Variants in PER2 observed in about 807,000 individuals in gnomAD.
The protein encoded by PER2 is period circadian regulator 2.
Under a neutral mutation model 121.0 loss-of-function variants are expected in PER2, and 66 were observed. That is an observed-to-expected ratio of 0.55 (90% confidence interval 0.45 to 0.67). PER2 has a LOEUF of 0.67. Among genes scored for constraint, PER2 ranks in the 30% least tolerant of loss-of-function variants. PER2 has a pLI of 0.00. For missense variants in PER2, 1,521 were observed against 1,635.0 expected, an observed-to-expected ratio of 0.93 and a Z score of 1.20; for synonymous variants, 684 against 659.9, an observed-to-expected ratio of 1.04 and a Z score of -0.56.
chr2:238,275,690 G>A (rs1298570785), intron 4 of PER2, 53 bp downstream of exon 4: 4 of 1,559,806 alleles, frequency 2.6e-6, no homozygotes, highest in African/African-American at 1.4e-5. Flanking sequence ...TAATTTGGGG[G>A]GATTTAAAAC....
rs190923629 is a variant in PER2, at chr2:238,258,273, T to C, written c.1900+3A>G. 6 of 1,614,164 alleles carry C rather than the reference T, an allele frequency of 3.7e-6. No individual in the cohort carries two copies. The highest frequency in any genetic ancestry group is 2.2e-5 in the East Asian group (1 of 44,888). On this transcript the variant is annotated splice_donor_region_variant and intron_variant, in intron 16 of 22. Transcript: ENST00000254657. ...TGTACATGGCTCTACACAGATTAGA[T>C]ACCTCCAGCGTGTGGCCCTGGGCTG...
At position 238,277,827 on chromosome 2, in the gene PER2, C is replaced by T. The variant is rs1235387146; in HGVS notation, c.110G>A (p.Gly37Asp). ...TTCGTTGGTCTCATGTCCACTGGAG[C>T]CACTGCTCATGTCCACATCTTCCTG... is the stretch of plus-strand genomic sequence containing the variant. Reference protein sequence around the residue: ...PLQEDVDMSSGSSGHETNENC... With the variant: ...PLQEDVDMSSDSSGHETNENC... Residue 37 changes from glycine (G) to aspartate (D), a missense_variant, in exon 2 of 23, where the codon GGC becomes GAC. Transcript: ENST00000254657. 1 of 1,614,208 alleles carries T rather than the reference C, an allele frequency of 6.2e-7. No individual in the cohort carries two copies. The highest frequency in any genetic ancestry group is 8.5e-7 in the Non-Finnish European group (1 of 1,180,050).
chr2:238,255,697 G>C lies in PER2; in HGVS notation c.2280C>G (p.Tyr760Ter), dbSNP rs374238996. 1 of 1,614,074 alleles carries C rather than the reference G, an allele frequency of 6.2e-7. No individual in the cohort carries two copies. Among genetic ancestry groups the C allele is most frequent in the African/African-American group, 1.3e-5 (1 of 74,956 alleles). ...KLSIFQSHCH[Y>*]YLQERSKGQP... Reference sequence around the variant, plus strand: ...GCCCCTTGGATCTTTCTTGCAAGTAGTAATGGCAGTGGGACTGGAAAATGC... The same window carrying C: ...GCCCCTTGGATCTTTCTTGCAAGTACTAATGGCAGTGGGACTGGAAAATGC... Residue 760 changes from tyrosine to a stop codon, truncating the protein, a stop_gained, in exon 18 of 23, where the codon TAC (tyrosine) becomes TAG (stop). Coordinates refer to ENST00000254657, the MANE Select transcript of PER2 (RefSeq NM_022817.3). LOFTEE classifies it high-confidence loss of function.
At chr2:238,261,103 A>G in intron 12 of PER2, 150 bp from the exon 13 acceptor site, 1 of 925,712 alleles carries the variant, frequency 1.1e-6, no homozygotes, top group Non-Finnish European at 1.6e-6. Flanking sequence ...TTTGAACCCC[A>G]GGGTCAGCTC....
At chr2:238,283,967 G>A (rs1696704911) in intron 1 of PER2, among the ~76,000 whole-genome samples, 1 of 152,130 alleles carries the variant, frequency 6.6e-6, no homozygotes, top group African/African-American at 2.4e-5. Flanking sequence ...TTTCAGCTGG[G>A]TTCCACCACC....
At chr2:238,274,513 G>C (rs1282727747) in intron 4 of PER2, among the ~76,000 whole-genome samples, 6 of 152,248 alleles carry the variant, frequency 3.9e-5, no homozygotes, top group African/African-American at 1.4e-4. Context: ...TAAACTGCTG[G>C]AAAGTGTGGA....
intron 9 of PER2, among the ~76,000 whole-genome samples, chr2:238,263,690 C>T (rs1171377957): frequency 1.3e-5 from 2 of 152,192 alleles, no homozygotes; most frequent in African/African-American, 2.4e-5. Context: ...TTTCTTCTCC[C>T]GATCTGCCTC....
At chr2:238,288,122 C>T (rs940370544) in intron 1 of PER2, among the ~76,000 whole-genome samples, 1 of 152,180 alleles carries the variant, frequency 6.6e-6, no homozygotes, top group African/African-American at 2.4e-5. Context: ...CCTAGATCAG[C>T]GCCCCTCCAT....
chr2:238,263,019 A>C lies in PER2; in HGVS notation c.1086T>G (p.Ile362Met). ...PLLGYLPQDL[I>M]ETPVLVQLHP... ...GGAGCTGCACGAGCACTGGGGTTTCAATCAGGTCCTGAGGTAGGTAGCCCA... is the reference window on the plus strand; with the variant it reads ...GGAGCTGCACGAGCACTGGGGTTTCCATCAGGTCCTGAGGTAGGTAGCCCA... The change falls in exon 10 of 23, where the codon ATT (isoleucine) becomes ATG (methionine). Residue 362 changes from isoleucine (I) to methionine (M), a missense_variant. Ile to Met is a conservative substitution (Grantham distance 10, BLOSUM62 1). Coordinates refer to ENST00000254657, the MANE Select transcript of PER2 (RefSeq NM_022817.3). 1 of 1,614,002 alleles carries C rather than the reference A, an allele frequency of 6.2e-7. No homozygotes were observed. The highest frequency in any genetic ancestry group is 8.5e-7 in the Non-Finnish European group (1 of 1,179,896).
the PER2 span, among the ~76,000 whole-genome samples, chr2:238,298,016 A>C: frequency 1.3e-5 from 2 of 148,304 alleles, no homozygotes; most frequent in East Asian, 2.0e-4. Flanking sequence ...TGTGCCTCCC[A>C]ATAAAGCTTT....
the PER2 span, chr2:238,299,462 A>G: frequency 6.6e-6 from 1 of 152,230 alleles, no homozygotes; most frequent in Admixed American, 6.5e-5. Context: ...GAATCGCTTG[A>G]ACCCAGGGGG....
chr2:238,258,153 T>G, intron 16 of PER2, 123 bp downstream of exon 16: 4 of 1,104,002 alleles, frequency 3.6e-6, no homozygotes, highest in Non-Finnish European at 5.5e-6. Flanking sequence ...TTGAACTACT[T>G]TCATCATTTG....
rs764876527 is a variant in PER2 at position 238,252,870 on chromosome 2, T to C, written c.3111+42A>G. 6 of 1,577,290 alleles carry C rather than the reference T, an allele frequency of 3.8e-6. No individual in the cohort carries two copies. Among genetic ancestry groups the C allele is most frequent in the Middle Eastern group, 2.2e-4 (1 of 4,630 alleles). On this transcript the variant is annotated intron_variant, in intron 19 of 22. Transcript: ENST00000254657. This position sits in a 1 kb window ranked among gnomAD's most constrained non-coding sequence, Gnocchi z 4.2. ...TGCGGCCGGCCTGCCAGGTGTGCTG[T>C]TTGCTGCCTGCTTTGGGGAAAGAGC...
chr2:238,282,862 G>A (rs57477948), intron 1 of PER2, among the ~76,000 whole-genome samples: 2,731 of 152,380 alleles, frequency 0.018, 99 homozygotes, highest in African/African-American at 0.063. Context: ...CCAGGTGTAG[G>A]TGGCATTTGA....
upstream of PER2, among the ~76,000 whole-genome samples, chr2:238,292,563 G>A (rs1272922941): frequency 6.6e-6 from 1 of 152,216 alleles, no homozygotes. Flanking sequence ...CACCCTGGGG[G>A]AGGAAGTGTT....
intron 1 of PER2, among the ~76,000 whole-genome samples, chr2:238,286,081 G>T (rs1696774203): frequency 6.6e-6 from 1 of 152,102 alleles, no homozygotes; most frequent in African/African-American, 2.4e-5. Flanking sequence ...CACCTTCAAT[G>T]ATCTCAATTC....
rs1274936580 is a variant in PER2 at position 238,252,791 on chromosome 2, A to AG, written c.3111+120_3111+121insC. 1.1e-6 allele frequency: 1 copy of AG among 880,756 alleles called. No individual in the cohort carries two copies. Among genetic ancestry groups the AG allele is most frequent in the African/African-American group, 1.6e-5 (1 of 61,248 alleles). 54.6% of individuals were successfully genotyped at this position (880,756 alleles called of 1,614,324 possible). A position where few individuals can be genotyped will look rare whatever the true frequency, so the allele number is the denominator to read the frequency against. On this transcript the variant is annotated intron_variant, in intron 19 of 22. Transcript: ENST00000254657. This position sits in a 1 kb window ranked among gnomAD's most constrained non-coding sequence, Gnocchi z 4.2. The stretch of plus-strand genomic sequence containing the variant: ...GGCACACACATTCATGGCAAAACCT[A>AG]CAGGGTTTGGTGGAAACCTCAATCG...
At chr2:238,284,226 C>G (rs1021679297) in intron 1 of PER2, among the ~76,000 whole-genome samples, 2 of 152,000 alleles carry the variant, frequency 1.3e-5, no homozygotes, top group South Asian at 2.1e-4. Flanking sequence ...GTGGATCACC[C>G]GAGGTCAGGA....
chr2:238,260,750 G>A, intron 13 of PER2, 78 bp downstream of exon 13: 4 of 1,544,038 alleles, frequency 2.6e-6, no homozygotes, highest in Admixed American at 1.7e-5. Context: ...ACTGCCAAAG[G>A]TTGTCTTGAG....
Sources: gnomAD v4.1 joint callset for allele counts (sites outside exome capture counted in the v4.1 genomes callset) on GRCh38, gnomAD v4.1.1 for gene constraint, Gnocchi (gnomAD v3.1) non-coding constraint, MANE v1.5 for transcripts, NCBI Gene and HGNC (gene_info 2026-07-23, HGNC 2026-07-21) for gene names.